The following KCNG2 variants were observed in gnomAD, a reference collection of about 807,000 sequenced individuals.
The protein encoded by KCNG2 is potassium voltage-gated channel modifier subfamily G member 2, also known as voltage-gated potassium channel regulatory subunit KCNG2.
In KCNG2, 7 loss-of-function variants were observed where a neutral mutation model predicts 12.3. That is an observed-to-expected ratio of 0.57 (90% CI 0.32 to 1.07). The LOEUF is 1.07. KCNG2 is among the 50% of genes least tolerant of loss of function. KCNG2 has a pLI of 0.04. For missense variants in KCNG2, 703 were observed against 726.0 expected (o/e 0.97, Z 0.36); for synonymous variants, 414 against 351.4 (o/e 1.18, Z -1.99).
In KCNG2 at chr18:79,891,038, T is replaced by C. The variant is rs143967705; in HGVS notation, c.625-8002T>C. On this transcript the variant is annotated intron_variant, in intron 3 of 3. Transcript: ENST00000316249. Reference sequence around the variant, plus strand: ...TGGTTTCATTGGTTTCTCTATGGGTTTTGTCTTCTGTTTCATTAATTCCTG... The same window carrying C: ...TGGTTTCATTGGTTTCTCTATGGGTCTTGTCTTCTGTTTCATTAATTCCTG... Among the ~76,000 whole-genome samples, 397 of 152,280 alleles carry C rather than the reference T, an allele frequency of 2.6e-3. 1 individual carries two copies. The highest frequency in any genetic ancestry group is 9.0e-3 in the African/African-American group (373 of 41,544).
intron 1 of KCNG2, among the ~76,000 whole-genome samples, chr18:79,813,569 A>G (rs766693823): frequency 6.6e-6 from 1 of 152,244 alleles, no homozygotes; most frequent in Non-Finnish European, 1.5e-5. Flanking sequence ...AGGATGGAGA[A>G]GCTTATCCTA....
At chr18:79,872,280 G>GTTTTTTGTTTTTTTTTTTTTTT (rs1979867524) in intron 3 of KCNG2, among the ~76,000 whole-genome samples, 1 of 73,410 alleles carries the variant, frequency 1.4e-5, no homozygotes, top group African/African-American at 5.2e-5. Flanking sequence ...CAAAGCTTCA[G>GTTTTTTGTTTTTTTTTTTTTTT]TTTTTTTTTT....
chr18:79,855,753 A>G (rs4239345), intron 1 of KCNG2, among the ~76,000 whole-genome samples: 152,219 of 152,242 alleles, frequency 1, 76,098 homozygotes, highest in Middle Eastern at 1. Flanking sequence ...TGTGACGGCC[A>G]TTCCCGTTCA....
At chr18:79,847,473 G>C (rs897022289) in intron 1 of KCNG2, among the ~76,000 whole-genome samples, 1 of 152,184 alleles carries the variant, frequency 6.6e-6, no homozygotes, top group South Asian at 2.1e-4. Flanking sequence ...CACGCTAAGC[G>C]ATCTTTACCC....
intron 3 of KCNG2, among the ~76,000 whole-genome samples, chr18:79,883,292 TG>T (rs966409056): frequency 1.3e-5 from 2 of 151,978 alleles, no homozygotes; most frequent in African/African-American, 4.8e-5. Flanking sequence ...GGGGGGAAGC[TG>T]GGGGAGCTGT....
At chr18:79,838,403 C>T (rs1167000539) in intron 1 of KCNG2, among the ~76,000 whole-genome samples, 1 of 151,832 alleles carries the variant, frequency 6.6e-6, no homozygotes, top group Non-Finnish European at 1.5e-5. Flanking sequence ...AATCCTTGGG[C>T]CAAACAAGTC....
chr18:79,813,847 C>T (rs55804671), intron 1 of KCNG2, among the ~76,000 whole-genome samples: 2,223 of 152,254 alleles, frequency 0.015, 58 homozygotes, highest in African/African-American at 0.051. Context: ...TTGCAAACCA[C>T]GTATTCACTA....
At chr18:79,880,667 T>C (rs759161057) in intron 3 of KCNG2, among the ~76,000 whole-genome samples, 21 of 152,316 alleles carry the variant, frequency 1.4e-4, no homozygotes, top group Admixed American at 3.9e-4. Flanking sequence ...CAAAGACCAG[T>C]GTCTCCCATG....
rs775461629 is a variant in KCNG2, at chr18:79,899,271, GTGCTGCGGC to G, written c.864_872del (p.Leu289_Arg291del). The G allele has an allele frequency of 3.8e-6, 6 of 1,582,268 alleles. No individual in the cohort carries two copies. Among genetic ancestry groups the G allele is most frequent in the Non-Finnish European group, 4.3e-6 (5 of 1,171,938 alleles). ...CAAGCTCCTGGAGCGCGCGGGGCTG[GTGCTGCGGC>G]TGCTGCGTGCGCTGCGCGTGCTCTA... On this transcript the variant is annotated inframe_deletion, in exon 4 of 4. Coordinates refer to ENST00000316249, the MANE Select transcript of KCNG2 (RefSeq NM_012283.2).
In KCNG2 at chr18:79,863,621, T is replaced by G; in HGVS notation, c.-40-7T>G. 1 of 1,201,420 alleles carries G rather than the reference T, an allele frequency of 8.3e-7. No individual in the cohort carries two copies. Among genetic ancestry groups the G allele is most frequent in the Non-Finnish European group, 1.0e-6 (1 of 966,694 alleles). 74.4% of individuals were successfully genotyped at this position (1,201,420 alleles called of 1,614,324 possible). A position where few individuals can be genotyped will look rare whatever the true frequency, so the allele number is the denominator to read the frequency against. On this transcript the variant is annotated splice_region_variant and splice_polypyrimidine_tract_variant and intron_variant, in intron 2 of 3. Coordinates refer to ENST00000316249, the MANE Select transcript of KCNG2 (RefSeq NM_012283.2). ...CGCGACCCTAACGCGGTCCGTTCCT[T>G]TTGCAGGAGCCGGGCAGGAGCCCCT... is the stretch of plus-strand genomic sequence containing the variant.
chr18:79,896,742 T>C (rs72982234), intron 3 of KCNG2, among the ~76,000 whole-genome samples: 5 of 152,380 alleles, frequency 3.3e-5, no homozygotes, highest in Non-Finnish European at 7.3e-5. Context: ...GAACTTTCTT[T>C]AGTATTTCTT....
chr18:79,899,239 G>T lies in KCNG2; in HGVS notation c.824G>T (p.Gly275Val). The change falls in exon 4 of 4, where the codon GGC becomes GTC. Residue 275 changes from glycine (G) to valine (V), a missense_variant. Coordinates refer to ENST00000316249, the MANE Select transcript of KCNG2 (RefSeq NM_012283.2). ...SLLLGLAAGP[G>V]GTKLLERAGL... Reference sequence around the variant, plus strand: ...CTGCTGGGGCTGGCGGCAGGCCCGGGCGGGACCAAGCTCCTGGAGCGCGCG... The same window carrying T: ...CTGCTGGGGCTGGCGGCAGGCCCGGTCGGGACCAAGCTCCTGGAGCGCGCG... 6.3e-7 allele frequency: 1 copy of T among 1,597,586 alleles called. No homozygotes were observed. Among genetic ancestry groups the T allele is most frequent in the Non-Finnish European group, 8.5e-7 (1 of 1,177,974 alleles).
chr18:79,898,842 A>T (rs918911584), intron 3 of KCNG2, among the ~76,000 whole-genome samples, 198 bp from the exon 4 acceptor site: 2 of 152,248 alleles, frequency 1.3e-5, no homozygotes, highest in African/African-American at 4.8e-5. Flanking sequence ...GCCCGAAGTG[A>T]TCACCATGAA....
At chr18:79,810,093 A>G (rs2087483326) in intron 1 of KCNG2, among the ~76,000 whole-genome samples, 1 of 152,260 alleles carries the variant, frequency 6.6e-6, no homozygotes, top group Non-Finnish European at 1.5e-5. Flanking sequence ...AGCATCCCTC[A>G]GAACCTGTGT....
At chr18:79,870,506 G>A (rs548024298) in intron 3 of KCNG2, among the ~76,000 whole-genome samples, 6 of 152,306 alleles carry the variant, frequency 3.9e-5, no homozygotes, top group South Asian at 2.1e-4. Flanking sequence ...TGCGCTGGGC[G>A]GCTGCTGTGT....
chr18:79,823,551 G>A (rs185468642), intron 1 of KCNG2, among the ~76,000 whole-genome samples: 7 of 152,252 alleles, frequency 4.6e-5, no homozygotes, highest in South Asian at 2.1e-4. Context: ...CTCTGATTAC[G>A]AGTGTGCTTG....
intron 3 of KCNG2, among the ~76,000 whole-genome samples, chr18:79,870,184 G>A (rs558203236): frequency 3.9e-5 from 6 of 152,380 alleles, no homozygotes; most frequent in Non-Finnish European, 8.8e-5. Context: ...GCTCCCAGAC[G>A]AAGCCCCCCA....
intron 1 of KCNG2, among the ~76,000 whole-genome samples, chr18:79,815,081 G>A (rs2087519359): frequency 6.6e-6 from 1 of 152,106 alleles, no homozygotes; most frequent in South Asian, 2.1e-4. Context: ...AATAATGTCT[G>A]ACAATAGGGA....
chr18:79,805,677 G>T (rs2087444057), intron 1 of KCNG2, among the ~76,000 whole-genome samples: 1 of 152,206 alleles, frequency 6.6e-6, no homozygotes, highest in Non-Finnish European at 1.5e-5. Flanking sequence ...CAGGGCTGCA[G>T]CCTCTTCACC....
Sources: allele counts gnomAD v4.1 joint callset (sites outside exome capture counted in the v4.1 genomes callset), GRCh38; gene constraint gnomAD v4.1.1; transcripts MANE v1.5; gene names NCBI Gene and HGNC (gene_info 2026-07-23, HGNC 2026-07-21).